TRAF3IP2: variants seen among roughly 807,000 people sequenced by gnomAD.
TRAF3IP2 encodes TRAF3 interacting protein 2, also known as E3 ubiquitin ligase TRAF3IP2.
In TRAF3IP2, 35 loss-of-function variants were observed where a neutral mutation model predicts 57.9. The ratio of observed to expected loss-of-function variants is 0.60; its 90% CI spans 0.46 to 0.80. The LOEUF (loss-of-function observed/expected upper bound fraction) is 0.80. Ranked by LOEUF, TRAF3IP2 falls within the 30% of genes least tolerant of loss-of-function variation. The pLI, the probability that TRAF3IP2 is intolerant of heterozygous loss-of-function variation, is 0.00. For synonymous variants in TRAF3IP2, 251 were observed against 268.9 expected, an observed-to-expected ratio of 0.93 and a Z score of 0.65; for missense variants, 556 against 706.4, an observed-to-expected ratio of 0.79 and a Z score of 2.41.
chr6:111,587,444 A>AAC (rs1174382017), intron 2 of TRAF3IP2, among the ~76,000 whole-genome samples: 3 of 152,036 alleles, frequency 2.0e-5, no homozygotes, highest in Non-Finnish European at 4.4e-5. Flanking sequence ...TTTAGTAGAC[A>AAC]ACATTTCACC....
Position 111,572,964 on chromosome 6 carries a change from A to G in TRAF3IP2, c.1221T>C (p.Tyr407=), listed in dbSNP as rs765112469. Residue 407 remains tyrosine (Y), a synonymous_variant, in exon 5 of 9, where the codon TAT becomes TAC. Transcript: ENST00000368761. The part of the protein sequence containing the change: ...PEELRKVFIT[Y]SMDTAMEVVK... ...CCACCTCCATAGCTGTGTCCATCGA[A>G]TAAGTGATAAAGACTTTCCCTAAGA... 1.8e-5 allele frequency: 29 copies of G among 1,613,878 alleles called. No individual in the cohort carries two copies. In the Admixed American group the frequency reaches 3.5e-4, roughly 19 times the overall value.
chr6:111,592,196 T>G (rs1796547682), intron 1 of TRAF3IP2, 102 bp from the exon 2 acceptor site: 2 of 1,002,320 alleles, frequency 2.0e-6, no homozygotes, highest in African/African-American at 3.3e-5. Flanking sequence ...TGGTTTAAAT[T>G]AACAGTGAGA....
chr6:111,563,492 A>T (rs1795522748), intron 7 of TRAF3IP2, among the ~76,000 whole-genome samples: 2 of 152,232 alleles, frequency 1.3e-5, no homozygotes, highest in African/African-American at 4.8e-5. Context: ...TCACAAAGCC[A>T]GCAGTCTAGT....
At chr6:111,574,717 C>G (rs1795928707) in intron 4 of TRAF3IP2, 1 of 152,134 alleles carries the variant, frequency 6.6e-6, no homozygotes, top group Non-Finnish European at 1.5e-5. Flanking sequence ...TACCCAGGGA[C>G]AAGTCCACTC....
intron 1 of TRAF3IP2, among the ~76,000 whole-genome samples, chr6:111,596,547 G>C (rs377361745): frequency 6.6e-6 from 1 of 152,184 alleles, no homozygotes; most frequent in African/African-American, 2.4e-5. Context: ...TCTGCCTCCC[G>C]GGTTCAAGCG....
chr6:111,572,790 A>G (rs1253884733), intron 5 of TRAF3IP2, 105 bp downstream of exon 5: 1 of 855,884 alleles, frequency 1.2e-6, no homozygotes, highest in African/African-American at 1.7e-5. Flanking sequence ...AAATCAAATA[A>G]TATCATTTAA....
In TRAF3IP2 at chr6:111,580,260, G is replaced by C; in HGVS notation, c.959C>G (p.Pro320Arg). 6.2e-7 allele frequency: 1 copy of C among 1,613,062 alleles called. No homozygotes were observed. Among genetic ancestry groups the C allele is most frequent in the Admixed American group, 1.7e-5 (1 of 60,014 alleles). ...VQKVILNYPSPWDHEERPAQR... is the reference protein window; with the variant it reads ...VQKVILNYPSRWDHEERPAQR... ...TGCGGGCCTCTCTTCGTGGTCCCAGGGGCTGGGATAATTCAGGATAACCTT... is the reference window on the plus strand; with the variant it reads ...TGCGGGCCTCTCTTCGTGGTCCCAGCGGCTGGGATAATTCAGGATAACCTT... Residue 320 changes from proline (P) to arginine (R), a missense_variant, in exon 3 of 9, where the codon CCC becomes CGC. By Grantham distance (103) the Pro-to-Arg change is moderately radical. Around this residue, in one of 2 missense-constraint regions of TRAF3IP2, gnomAD observed 428 missense variants for 498.7 expected, o/e 0.86. Transcript: ENST00000368761.
intron 5 of TRAF3IP2, among the ~76,000 whole-genome samples, chr6:111,571,146 G>A (rs1795817507): frequency 6.6e-6 from 1 of 151,028 alleles, no homozygotes; most frequent in Non-Finnish European, 1.5e-5. Context: ...CGAGATCTCG[G>A]CTCACTGCAA....
rs183024862 is a variant in TRAF3IP2, at chr6:111,565,641, C to T, written c.1476+803G>A. Among the ~76,000 whole-genome samples the T allele has an allele frequency of 2.3e-3, 351 of 152,238 alleles. 4 individuals are homozygous for T. The highest frequency in any genetic ancestry group is 0.016 in the South Asian group (76 of 4,814). Reference sequence around the variant, plus strand: ...CTGTCTCACAGCGTCTCTATAATCACGGGGAGAAGGAGGATTCGTAGCCCA... The same window carrying T: ...CTGTCTCACAGCGTCTCTATAATCATGGGGAGAAGGAGGATTCGTAGCCCA... On this transcript the variant is annotated intron_variant, in intron 7 of 8. Transcript: ENST00000368761.
rs192125523 is a variant in TRAF3IP2, at chr6:111,565,019, G to A, written c.1476+1425C>T. Among the ~76,000 whole-genome samples the A allele has an allele frequency of 2.6e-5, 4 of 152,240 alleles. No homozygotes were observed. The East Asian group carries it at 5.8e-4, about 22-fold the overall frequency. The stretch of plus-strand genomic sequence containing the variant: ...TTACTCCCAGGAATGATACCTTTCC[G>A]GGGCACTGTACAAGGGCTGTGAGAC... On this transcript the variant is annotated intron_variant, in intron 7 of 8. Coordinates refer to ENST00000368761, the MANE Select transcript of TRAF3IP2 (RefSeq NM_147686.4).
intron 5 of TRAF3IP2, among the ~76,000 whole-genome samples, chr6:111,571,514 T>C (rs573734207): frequency 3.3e-5 from 5 of 152,198 alleles, no homozygotes; most frequent in Non-Finnish European, 7.3e-5. Context: ...GCCTGGCTGC[T>C]ATAGTGCTTT....
At chr6:111,569,603 A>G (rs1795766737) in intron 5 of TRAF3IP2, among the ~76,000 whole-genome samples, 1 of 152,070 alleles carries the variant, frequency 6.6e-6, no homozygotes, top group Non-Finnish European at 1.5e-5. Flanking sequence ...AATACAAAAA[A>G]AAATTAGCTG....
chr6:111,565,347 C>T (rs1795600851), intron 7 of TRAF3IP2: 1 of 152,282 alleles, frequency 6.6e-6, no homozygotes, highest in African/African-American at 2.4e-5. Context: ...TAGTGACACT[C>T]TATGCCCATT....
chr6:111,592,928 A>G (rs1796565574), intron 1 of TRAF3IP2, among the ~76,000 whole-genome samples: 1 of 152,198 alleles, frequency 6.6e-6, no homozygotes, highest in Non-Finnish European at 1.5e-5. Flanking sequence ...TTGAACCAGC[A>G]AGGCTCGCTA....
intron 1 of TRAF3IP2, chr6:111,601,612 C>A: frequency 6.2e-6 from 1 of 161,562 alleles, no homozygotes; most frequent in East Asian, 1.7e-4. Context: ...CATAATCAGG[C>A]CTTGGTGATC....
intron 6 of TRAF3IP2, chr6:111,567,170 T>G: frequency 3.1e-5 from 31 of 1,003,360 alleles, no homozygotes; most frequent in Non-Finnish European, 3.7e-5. Flanking sequence ...GTGGCCGGTA[T>G]AGATTCTGTC....
At chr6:111,559,620 G>C (rs1562415877) in intron 8 of TRAF3IP2, 69 bp from the exon 9 acceptor site, 5 of 1,553,300 alleles carry the variant, frequency 3.2e-6, no homozygotes, top group Non-Finnish European at 4.4e-6. Flanking sequence ...CCCAGGCTCA[G>C]TTCCCAAACA....
At chr6:111,605,626 G>C (rs568825342) in intron 1 of TRAF3IP2, 150 bp downstream of exon 1, 1 of 152,396 alleles carries the variant, frequency 6.6e-6, no homozygotes, top group African/African-American at 2.4e-5. Context: ...CAGCTAAGAT[G>C]GTCTCTGTGC....
At chr6:111,563,478 A>G (rs931289845) in intron 7 of TRAF3IP2, among the ~76,000 whole-genome samples, 6 of 152,226 alleles carry the variant, frequency 3.9e-5, no homozygotes, top group Admixed American at 3.3e-4. Flanking sequence ...TACAGTCCCT[A>G]TCTTCACAAA....
Sources: gnomAD v4.1 joint callset for allele counts (sites outside exome capture counted in the v4.1 genomes callset) on GRCh38, gnomAD v4.1.1 for gene constraint, gnomAD v4.1.1 regional missense constraint, MANE v1.5 for transcripts, NCBI Gene and HGNC (gene_info 2026-07-23, HGNC 2026-07-21) for gene names.